NAXD: variants seen among roughly 807,000 people sequenced by gnomAD.
The protein encoded by NAXD is ATP-dependent (S)-NAD(P)H-hydrate dehydratase.
In NAXD, 22 loss-of-function variants were observed where a neutral mutation model predicts 35.8. The ratio of observed to expected loss-of-function variants is 0.62; its 90% CI spans 0.44 to 0.88. The LOEUF (loss-of-function observed/expected upper bound fraction) is 0.88. Ranked by LOEUF, NAXD falls within the 40% of genes least tolerant of loss-of-function variation. The pLI is 0.00. For synonymous variants in NAXD, 189 were observed against 177.6 expected (o/e 1.06, Z -0.51); for missense variants, 428 against 437.7 (o/e 0.98, Z 0.20).
chr13:110,623,227 C>T (rs149102295), intron 2 of NAXD, among the ~76,000 whole-genome samples: 295 of 152,272 alleles, frequency 1.9e-3, no homozygotes, highest in African/African-American at 6.7e-3. Flanking sequence ...GCATTTACAA[C>T]GCTATTGACA....
intron 1 of NAXD, chr13:110,615,958 A>ACAGAGGGG (rs1473739914): frequency 2.3e-6 from 1 of 444,088 alleles, no homozygotes; most frequent in Non-Finnish European, 3.7e-6. Context: ...GTGCGGGGTG[A>ACAGAGGGG]CAGAGGGGCA....
Position 110,622,234 on chromosome 13 carries a change from C to T in NAXD, c.65C>T (p.Ser22Leu), listed in dbSNP as rs373011260. ...CTTTCAGTTTTAGAAAGAGCGTTTTCGCTACGTAAAGCACATTCGATAAAG... is the reference window on the plus strand; with the variant it reads ...CTTTCAGTTTTAGAAAGAGCGTTTTTGCTACGTAAAGCACATTCGATAAAG... Reference protein sequence around the residue: ...ACRRVLERAFSLRKAHSIKDM... With the variant: ...ACRRVLERAFLLRKAHSIKDM... The change falls in exon 2 of 10, where the codon TCG (serine) becomes TTG (leucine). Residue 22 changes from serine to leucine, a missense_variant. Physicochemically the swap from Ser to Leu is moderately radical, Grantham distance 145 (BLOSUM62 -2). Coordinates refer to ENST00000680254, the MANE Select transcript of NAXD (RefSeq NM_001242882.2). 1.3e-5 allele frequency: 21 copies of T among 1,612,792 alleles called. No homozygotes were observed. Among genetic ancestry groups the T allele is most frequent in the African/African-American group, 6.7e-5 (5 of 74,992 alleles).
chr13:110,631,495 T>G (rs1452538870), intron 5 of NAXD, among the ~76,000 whole-genome samples: 1 of 152,238 alleles, frequency 6.6e-6, no homozygotes, highest in African/African-American at 2.4e-5. Context: ...GACACCCTTC[T>G]GCGCTGGGTG....
Position 110,628,675 on chromosome 13 carries a change from G to GTCTTACCC in NAXD, c.441+1129_441+1136dup, listed in dbSNP as rs999926872. Among the ~76,000 whole-genome samples, 1 of 152,006 alleles carries GTCTTACCC rather than the reference G, an allele frequency of 6.6e-6. No individual in the cohort carries two copies. The highest frequency in any genetic ancestry group is 2.4e-5 in the African/African-American group (1 of 41,314). On this transcript the variant is annotated intron_variant, in intron 5 of 9. Coordinates refer to ENST00000680254, the MANE Select transcript of NAXD (RefSeq NM_001242882.2). This position sits in a 1 kb window ranked among gnomAD's most constrained non-coding sequence, Gnocchi z 4.1. ...CGGGAGCCCGTCTTTGAGCTTTAAG[G>GTCTTACCC]TCTTACCCGCTCACCGGGAAGGAGG... is the stretch of plus-strand genomic sequence containing the variant.
intron 4 of NAXD, among the ~76,000 whole-genome samples, chr13:110,625,616 G>A (rs1317592569): frequency 1.3e-5 from 2 of 152,194 alleles, no homozygotes; most frequent in African/African-American, 2.4e-5. Context: ...TCCTGCACTC[G>A]GCACATATGT....
intron 7 of NAXD, 54 bp from the exon 8 acceptor site, chr13:110,635,414 G>A (rs1289999120): frequency 1.2e-5 from 19 of 1,593,334 alleles, no homozygotes; most frequent in African/African-American, 2.7e-5. Context: ...GCTATCTGTC[G>A]TCGTGTGTCT....
At chr13:110,630,712 C>G (rs1053778401) in intron 5 of NAXD, among the ~76,000 whole-genome samples, 1 of 152,142 alleles carries the variant, frequency 6.6e-6, no homozygotes, top group African/African-American at 2.4e-5. Flanking sequence ...GGAGGAGGCT[C>G]CAGCGTCAGT....
At chr13:110,635,679 C>A in intron 8 of NAXD, 91 bp downstream of exon 8, 4 of 1,441,162 alleles carry the variant, frequency 2.8e-6, no homozygotes, top group South Asian at 1.2e-5. Context: ...CTCTCCCGTG[C>A]ACACCCGTGT....
intron 1 of NAXD, among the ~76,000 whole-genome samples, chr13:110,617,674 T>C (rs1328337122): frequency 1.3e-5 from 2 of 152,228 alleles, no homozygotes; most frequent in African/African-American, 4.8e-5. Context: ...TGCCTTAAAA[T>C]GGCAGCATTT....
At chr13:110,620,578 C>CAA (rs34370844) in intron 1 of NAXD, among the ~76,000 whole-genome samples, 17,292 of 84,652 alleles carry the variant, frequency 0.2, 1,475 homozygotes, top group Admixed American at 0.36. Flanking sequence ...GACTCTGTCT[C>CAA]AAAAAAAAAA....
At chr13:110,621,331 G>C (rs1342167254) in intron 1 of NAXD, among the ~76,000 whole-genome samples, 1 of 152,186 alleles carries the variant, frequency 6.6e-6, no homozygotes, top group African/African-American at 2.4e-5. Flanking sequence ...TTTTTTACTT[G>C]ATAAAACTTT....
chr13:110,629,086 G>T (rs1034564063), intron 5 of NAXD, among the ~76,000 whole-genome samples: 2 of 152,148 alleles, frequency 1.3e-5, no homozygotes, highest in Non-Finnish European at 2.9e-5. Flanking sequence ...CCGCCTCCTC[G>T]TCAGCTTCCA....
In NAXD at chr13:110,635,537, G is replaced by T. The variant is rs781273519; in HGVS notation, c.667G>T (p.Val223Leu). Residue 223 changes from valine (V) to leucine (L), a missense_variant, in exon 8 of 10, where the codon GTG becomes TTG. Physicochemically the swap from Val to Leu is conservative, Grantham distance 32. Coordinates refer to ENST00000680254, the MANE Select transcript of NAXD (RefSeq NM_001242882.2). ...AAGACTCAGCCAAGCCCTGGGCAAC[G>T]TGACGGTGGTCCAGAAAGGAGAGCG... ...VLRLSQALGNVTVVQKGERDI... is the reference protein window; with the variant it reads ...VLRLSQALGNLTVVQKGERDI... 1.2e-6 allele frequency: 2 copies of T among 1,614,164 alleles called. No individual in the cohort carries two copies. The highest frequency in any genetic ancestry group is 2.2e-5 in the South Asian group (2 of 91,090).
At chr13:110,636,294 C>A (rs1886921205) in intron 8 of NAXD, among the ~76,000 whole-genome samples, 1 of 152,270 alleles carries the variant, frequency 6.6e-6, no homozygotes, top group African/African-American at 2.4e-5. Flanking sequence ...CAGGGTAGAA[C>A]ACTGAGGCGT....
intron 4 of NAXD, among the ~76,000 whole-genome samples, chr13:110,627,133 A>C (rs1316243960): frequency 6.6e-6 from 1 of 152,204 alleles, no homozygotes; most frequent in Non-Finnish European, 1.5e-5. Context: ...TGACATGGGA[A>C]GAGGACATCA....
Position 110,638,143 on chromosome 13 carries a change from C to A in NAXD, c.840-235C>A. 2.4e-6 allele frequency: 3 copies of A among 1,227,314 alleles called. No homozygotes were observed. The highest frequency in any genetic ancestry group is 4.7e-5 in the East Asian group (2 of 42,688). 76.0% of individuals were successfully genotyped at this position (1,227,314 alleles called of 1,614,324 possible). A position where few individuals can be genotyped will look rare whatever the true frequency, so the allele number is the denominator to read the frequency against. Reference sequence around the variant, plus strand: ...CCCACTGTGTGCCCTAGCCCTGGACCTGTCTCCGAGTACATAGACGTTTCC... The same window carrying A: ...CCCACTGTGTGCCCTAGCCCTGGACATGTCTCCGAGTACATAGACGTTTCC... On this transcript the variant is annotated intron_variant, in intron 9 of 9. Coordinates refer to ENST00000680254, the MANE Select transcript of NAXD (RefSeq NM_001242882.2). This position sits in a 1 kb window ranked among gnomAD's most constrained non-coding sequence, Gnocchi z 5.4.
At chr13:110,631,692 G>A (rs1443258104) in intron 5 of NAXD, among the ~76,000 whole-genome samples, 5 of 152,148 alleles carry the variant, frequency 3.3e-5, no homozygotes, top group Non-Finnish European at 2.9e-5. Flanking sequence ...ATTAGCAAAA[G>A]CCTGCCAGTT....
intron 5 of NAXD, among the ~76,000 whole-genome samples, chr13:110,630,483 T>A (rs1886660240): frequency 6.6e-6 from 1 of 152,218 alleles, no homozygotes; most frequent in Admixed American, 6.5e-5. Flanking sequence ...TATCCTCTCA[T>A]TCTGTAGGTT....
chr13:110,635,353 G>T, intron 7 of NAXD, 115 bp from the exon 8 acceptor site: 2 of 1,270,368 alleles, frequency 1.6e-6, no homozygotes, highest in Admixed American at 1.9e-5. Context: ...ACAGGTGCCT[G>T]GGTGATCCCT....
Sources: allele counts gnomAD v4.1 joint callset (sites outside exome capture counted in the v4.1 genomes callset), GRCh38; gene constraint gnomAD v4.1.1; non-coding constraint Gnocchi (gnomAD v3.1); transcripts MANE v1.5; gene names NCBI Gene and HGNC (gene_info 2026-07-23, HGNC 2026-07-21).